The following POLA2 variants were observed in gnomAD, a reference collection of about 807,000 sequenced individuals.
POLA2 encodes DNA polymerase alpha 2, accessory subunit.
POLA2 carries 47 observed loss-of-function variants against 82.8 expected under a neutral mutation model. That is an observed-to-expected ratio of 0.57 (90% CI 0.45 to 0.72). The LOEUF is 0.72. Ranked by LOEUF, POLA2 falls within the 30% of genes least tolerant of loss-of-function variation. The pLI, the probability that POLA2 is intolerant of heterozygous loss-of-function variation, is 0.00. For synonymous variants in POLA2, 287 were observed against 286.8 expected, an observed-to-expected ratio of 1.00 and a Z score of -0.01; for missense variants, 634 against 728.1, an observed-to-expected ratio of 0.87 and a Z score of 1.49.
At chr11:65,270,399 AAG>A (rs1376867064) in intron 4 of POLA2, among the ~76,000 whole-genome samples, 1 of 152,212 alleles carries the variant, frequency 6.6e-6, no homozygotes, top group East Asian at 1.9e-4. Flanking sequence ...TGTGGAGAGT[AAG>A]AGGGCCAAAA....
chr11:65,262,115 G>T lies in POLA2; in HGVS notation c.-178G>T. ...TTAAAAAAAGTATTTCTCTGTGACC[G>T]ACGGCCGGGGCCTTCTGACGGTCTG... On this transcript the variant is annotated 5_prime_UTR_variant, in exon 1 of 18. Transcript: ENST00000265465. The T allele has an allele frequency of 1.7e-6, 1 of 585,510 alleles. No homozygotes were observed. The highest frequency in any genetic ancestry group is 2.0e-5 in the South Asian group (1 of 50,478). The allele number at this position is 585,510 out of a possible 1,614,324, so 36.3% of individuals were successfully genotyped here. A position where few individuals can be genotyped will look rare whatever the true frequency, so the allele number is the denominator to read the frequency against.
intron 13 of POLA2, among the ~76,000 whole-genome samples, chr11:65,290,085 C>T (rs1949738752): frequency 6.6e-6 from 1 of 151,650 alleles, no homozygotes; most frequent in African/African-American, 2.4e-5. Context: ...TCTGTCTGTA[C>T]TAAAAATACA....
chr11:65,277,194 T>A (rs1053579991), intron 5 of POLA2, among the ~76,000 whole-genome samples: 2 of 151,252 alleles, frequency 1.3e-5, no homozygotes, highest in Non-Finnish European at 2.9e-5. Flanking sequence ...TTTTTTTTTT[T>A]TAAGATAGGC....
chr11:65,295,825 C>A (rs769126089), intron 16 of POLA2, 39 bp from the exon 17 acceptor site: 4 of 1,592,354 alleles, frequency 2.5e-6, no homozygotes, highest in African/African-American at 1.3e-5. Flanking sequence ...GGGGGCCCCC[C>A]GGTCAGCTAG....
intron 4 of POLA2, among the ~76,000 whole-genome samples, chr11:65,273,006 C>T (rs1472755797): frequency 6.5e-5 from 9 of 138,610 alleles, no homozygotes; most frequent in African/African-American, 2.5e-4. Flanking sequence ...AGCAAAACTC[C>T]ATCTCAAAAA....
intron 17 of POLA2, 97 bp from the exon 18 acceptor site, chr11:65,297,023 C>T: frequency 7.7e-7 from 1 of 1,305,658 alleles, no homozygotes; most frequent in Non-Finnish European, 1.1e-6. Context: ...TTCTAAAACC[C>T]TCTTTGGGGT....
At position 65,295,860 on chromosome 11, in the gene POLA2, G is replaced by T; in HGVS notation, c.1521-4G>T. ...GTGCTGACAATTTCTCTCTGTCTCT[G>T]TAGCTACTACCCACTCTACCCGCCC... On this transcript the variant is annotated splice_region_variant and splice_polypyrimidine_tract_variant and intron_variant, in intron 16 of 17. Coordinates refer to ENST00000265465, the MANE Select transcript of POLA2 (RefSeq NM_002689.4). 6.2e-7 allele frequency: 1 copy of T among 1,608,688 alleles called. No individual in the cohort carries two copies. The highest frequency in any genetic ancestry group is 1.7e-5 in the Admixed American group (1 of 59,916).
rs914752537 is a variant in POLA2 at position 65,262,243 on chromosome 11, G to T, written c.-50G>T. On this transcript the variant is annotated 5_prime_UTR_variant, in exon 1 of 18. Transcript: ENST00000265465. ...CGCCACCCCCGTGGGCTTCTTGGGC[G>T]CAGGTCGGAGCTGGGTGGGCCGGCT... 2.7e-6 allele frequency: 4 copies of T among 1,482,190 alleles called. No homozygotes were observed. The highest frequency in any genetic ancestry group is 3.7e-6 in the Non-Finnish European group (4 of 1,070,994). The allele number at this position is 1,482,190 out of a possible 1,614,324, so 91.8% of individuals were successfully genotyped here.
rs1296074648 is a variant in POLA2, at chr11:65,281,651, G to GT, written c.901-16dup. On this transcript the variant is annotated intron_variant, in intron 8 of 17. Transcript: ENST00000265465. Reference sequence around the variant, plus strand: ...TTGATCTCCACTGCTTAGCAATCCTGTTTGTTTTTGTCTTTCAGGTTGTAA... The same window carrying GT: ...TTGATCTCCACTGCTTAGCAATCCTGTTTTGTTTTTGTCTTTCAGGTTGTAA... The GT allele has an allele frequency of 6.3e-7, 1 of 1,598,270 alleles. No homozygotes were observed. The highest frequency in any genetic ancestry group is 1.1e-5 in the South Asian group (1 of 90,722).
downstream of POLA2, among the ~76,000 whole-genome samples, chr11:65,300,549 G>A (rs1398828248): frequency 6.6e-6 from 1 of 151,880 alleles, no homozygotes; most frequent in Admixed American, 6.6e-5. Context: ...ACCGTGCCTG[G>A]CCCATGCTCT....
Position 65,294,376 on chromosome 11 carries a change from G to A in POLA2, c.1353+115G>A. On this transcript the variant is annotated intron_variant, in intron 14 of 17. Coordinates refer to ENST00000265465, the MANE Select transcript of POLA2 (RefSeq NM_002689.4). ...CCTCTTTAGGGTGTGCGTACAGCCTGAATCTTAAACTCCTTTTTTTAAACA... is the reference window on the plus strand; with the variant it reads ...CCTCTTTAGGGTGTGCGTACAGCCTAAATCTTAAACTCCTTTTTTTAAACA... The A allele has an allele frequency of 3.0e-6, 3 of 1,005,392 alleles. No homozygotes were observed. The South Asian group carries it at 4.0e-5, about 14-fold the overall frequency. 62.3% of individuals were successfully genotyped at this position (1,005,392 alleles called of 1,614,324 possible). A position where few individuals can be genotyped will look rare whatever the true frequency, so the allele number is the denominator to read the frequency against.
intron 9 of POLA2, 131 bp downstream of exon 9, chr11:65,281,863 G>A: frequency 1.3e-6 from 1 of 743,562 alleles, no homozygotes; most frequent in South Asian, 1.5e-5. Context: ...CTGTAAGTGG[G>A]AACCCACCCC....
intron 6 of POLA2, 27 bp from the exon 7 acceptor site, chr11:65,279,511 T>A: frequency 7.0e-7 from 1 of 1,428,598 alleles, no homozygotes; most frequent in Non-Finnish European, 9.7e-7. Flanking sequence ...TTAAACATAA[T>A]ACTTTTTTCC....
rs1009575369 is a variant in POLA2, at chr11:65,305,277, C to T, written c.657-96C>T. 8.7e-5 allele frequency: 38 copies of T among 436,400 alleles called. No homozygotes were observed. The Middle Eastern group carries it at 1.7e-3, about 19-fold the overall frequency. 27.0% of individuals were successfully genotyped at this position (436,400 alleles called of 1,614,324 possible). A position where few individuals can be genotyped will look rare whatever the true frequency, so the allele number is the denominator to read the frequency against. ...GCAGTTCATTCACCAAAAAGAAACA[C>T]ATGTGGCTCTTAAGCAAATGAAAAG... On this transcript the variant is annotated intron_variant, in intron 8 of 8. Coordinates refer to the POLA2 transcript ENST00000525924.
intron 13 of POLA2, among the ~76,000 whole-genome samples, chr11:65,292,818 A>T (rs899206687): frequency 6.6e-6 from 1 of 152,238 alleles, no homozygotes; most frequent in African/African-American, 2.4e-5. Flanking sequence ...TGAGAAGTCC[A>T]CATGTTTTAA....
intron 1 of POLA2, among the ~76,000 whole-genome samples, chr11:65,263,563 C>T (rs540876757): frequency 4.5e-4 from 69 of 152,252 alleles, no homozygotes; most frequent in Non-Finnish European, 8.1e-4. Flanking sequence ...TGTGGTGGCT[C>T]ACGCCTGTAA....
In POLA2 at chr11:65,294,269, C is replaced by T. The variant is rs762857521; in HGVS notation, c.1353+8C>T. On this transcript the variant is annotated splice_region_variant and intron_variant, in intron 14 of 17. Transcript: ENST00000265465. ...TCTCGAGAGGACAAAAAGGTAGCAG[C>T]ACCCACTCCTTGACCAGCAGGCAGC... 1.3e-5 allele frequency: 21 copies of T among 1,604,562 alleles called. No homozygotes were observed. The South Asian group carries it at 1.9e-4, about 14-fold the overall frequency.
intron 6 of POLA2, 97 bp downstream of exon 6, chr11:65,279,020 A>G: frequency 8.9e-7 from 1 of 1,120,348 alleles, no homozygotes; most frequent in Non-Finnish European, 1.3e-6. Context: ...ACAAGTTCCA[A>G]GGTTGCCTTT....
chr11:65,295,860 G>A lies in POLA2; in HGVS notation c.1521-4G>A. On this transcript the variant is annotated splice_region_variant and splice_polypyrimidine_tract_variant and intron_variant, in intron 16 of 17. Transcript: ENST00000265465. ...GTGCTGACAATTTCTCTCTGTCTCT[G>A]TAGCTACTACCCACTCTACCCGCCC... 2.5e-6 allele frequency: 4 copies of A among 1,608,688 alleles called. No individual in the cohort carries two copies. The highest frequency in any genetic ancestry group is 2.2e-5 in the South Asian group (2 of 90,998).
Sources: allele counts gnomAD v4.1 joint callset (sites outside exome capture counted in the v4.1 genomes callset), GRCh38; gene constraint gnomAD v4.1.1; transcripts MANE v1.5; gene names NCBI Gene and HGNC (gene_info 2026-07-23, HGNC 2026-07-21).